CCDC9: variants seen among roughly 807,000 people sequenced by gnomAD.
The protein encoded by CCDC9 is coiled-coil domain containing 9.
In CCDC9, 52 loss-of-function variants were observed where a neutral mutation model predicts 65.6. That is an observed-to-expected ratio of 0.79 (90% CI 0.63 to 1.00). The LOEUF (loss-of-function observed/expected upper bound fraction) is 1.00, where lower values mean the gene tolerates loss of function less well. Among genes scored for constraint, CCDC9 ranks in the 50% least tolerant of loss-of-function variants. The pLI is 0.00. For synonymous variants in CCDC9, 332 were observed against 280.3 expected, an observed-to-expected ratio of 1.18 and a Z score of -1.84; for missense variants, 834 against 757.2, an observed-to-expected ratio of 1.10 and a Z score of -1.19.
intron 1 of CCDC9, among the ~76,000 whole-genome samples, 164 bp downstream of exon 1, chr19:47,256,773 T>TTGGG (rs1438600303): frequency 1.5e-4 from 1 of 6,896 alleles, no homozygotes; most frequent in African/African-American, 6.7e-4. Context: ...GGGCGGGCCG[T>TTGGG]TGGGTGGGTG....
In CCDC9 at chr19:47,260,632, GC is replaced by G; in HGVS notation, c.260del (p.Pro87GlnfsTer81). 1 of 1,522,210 alleles carries G rather than the reference GC, an allele frequency of 6.6e-7. No homozygotes were observed. Among genetic ancestry groups the G allele is most frequent in the Non-Finnish European group, 8.7e-7 (1 of 1,144,502 alleles). 94.3% of individuals were successfully genotyped at this position (1,522,210 alleles called of 1,614,324 possible). A position where few individuals can be genotyped will look rare whatever the true frequency, so the allele number is the denominator to read the frequency against. ...CCCGGAGGTCTCCTGGGACCCCTCGGCCCCCAGGGGCCAGCAAGGGGGGCCG... is the reference window on the plus strand; with the variant it reads ...CCCGGAGGTCTCCTGGGACCCCTCGGCCCCAGGGGCCAGCAAGGGGGGCCG... Reference protein sequence around the residue: ...PSRRSPGTPRPPGASKGGRTP... With the variant: ...PSRRSPGTPRXPGASKGGRTP... On this transcript the variant is annotated frameshift_variant, in exon 5 of 12. Transcript: ENST00000221922. LOFTEE classifies it high-confidence loss of function.
intron 8 of CCDC9, among the ~76,000 whole-genome samples, chr19:47,268,292 C>T (rs190636141): frequency 2.7e-3 from 412 of 152,230 alleles, no homozygotes; most frequent in Non-Finnish European, 5.2e-3. Context: ...CTGGAAGAGC[C>T]GATAAATAGC....
downstream of CCDC9, chr19:47,273,988 G>A (rs867481958): frequency 3.0e-6 from 3 of 984,704 alleles, no homozygotes; most frequent in Non-Finnish European, 3.6e-6. Context: ...TCCTGAAGAC[G>A]CTGCTGGGAG....
At chr19:47,267,692 T>C (rs2059091427) in intron 8 of CCDC9, among the ~76,000 whole-genome samples, 1 of 152,122 alleles carries the variant, frequency 6.6e-6, no homozygotes, top group South Asian at 2.1e-4. Flanking sequence ...CTCCAGTGGA[T>C]AGGAACACCG....
chr19:47,274,226 G>A (rs1243576936), downstream of CCDC9, among the ~76,000 whole-genome samples: 1 of 152,140 alleles, frequency 6.6e-6, no homozygotes, highest in East Asian at 1.9e-4. Flanking sequence ...AGCGGGCTGA[G>A]AGTGTGCTGG....
Position 47,271,833 on chromosome 19 carries a change from C to T in CCDC9, c.*155C>T. Reference sequence around the variant, plus strand: ...CCAGTGTGCCCCACAGCCCTGTCAGCTGAGGGGGTAGCGCAGCCCATGCTC... The same window carrying T: ...CCAGTGTGCCCCACAGCCCTGTCAGTTGAGGGGGTAGCGCAGCCCATGCTC... On this transcript the variant is annotated 3_prime_UTR_variant, in exon 12 of 12. Transcript: ENST00000221922. 5 of 1,423,054 alleles carry T rather than the reference C, an allele frequency of 3.5e-6. No individual in the cohort carries two copies. In the South Asian group the frequency reaches 4.6e-5, roughly 13 times the overall value. The allele number at this position is 1,423,054 out of a possible 1,614,324, so 88.2% of individuals were successfully genotyped here. A position where few individuals can be genotyped will look rare whatever the true frequency, so the allele number is the denominator to read the frequency against.
rs1373981308 is a variant in CCDC9 at position 47,266,725 on chromosome 19, C to T, written c.835C>T (p.Leu279=). 1.9e-6 allele frequency: 3 copies of T among 1,612,114 alleles called. No homozygotes were observed. The Admixed American group carries it at 5.0e-5, about 27-fold the overall frequency. Residue 279 remains leucine (L), a synonymous_variant, in exon 8 of 12, where the codon CTG becomes TTG. Transcript: ENST00000221922. Reference sequence around the variant, plus strand: ...GAGGGAGAAGATCGACCAGGAGCGGCTGCAGAGGCACCGCAAGCCCACTGG... The same window carrying T: ...GAGGGAGAAGATCGACCAGGAGCGGTTGCAGAGGCACCGCAAGCCCACTGG... The part of the protein sequence containing the change: ...QEREKIDQER[L]QRHRKPTGQW...
intron 5 of CCDC9, among the ~76,000 whole-genome samples, chr19:47,262,567 TG>T (rs1430604660): frequency 9.2e-5 from 14 of 152,044 alleles, no homozygotes; most frequent in Admixed American, 7.9e-4. Context: ...TCATTGTCTG[TG>T]GTAACAGCTG....
At position 47,270,416 on chromosome 19, in the gene CCDC9, T is replaced by C; in HGVS notation, c.912T>C (p.Asp304=). The change falls in exon 9 of 12, where the codon GAT becomes GAC. Residue 304 remains aspartate (D), a synonymous_variant. Transcript: ENST00000221922. ...GTTATCTTTCCCCCAGGTTCAAGGA[T>C]GGCCCAGTCCCTGCCCATGAACCAT... ...DAEKTDGMFK[D]GPVPAHEPSH... 6.2e-7 allele frequency: 1 copy of C among 1,614,174 alleles called. No homozygotes were observed. The highest frequency in any genetic ancestry group is 8.5e-7 in the Non-Finnish European group (1 of 1,180,010).
At position 47,271,183 on chromosome 19, in the gene CCDC9, T is replaced by C. The variant is rs1464843827; in HGVS notation, c.1187T>C (p.Met396Thr). The change falls in exon 11 of 12, where the codon ATG (methionine) becomes ACG (threonine). Residue 396 changes from methionine (M) to threonine (T), a missense_variant. By Grantham distance (81) the Met-to-Thr change is moderately conservative. Transcript: ENST00000221922. Reference protein sequence around the residue: ...SPETSPKETPMQPPEIPAPAH... With the variant: ...SPETSPKETPTQPPEIPAPAH... Reference sequence around the variant, plus strand: ...GAGACTTCCCCCAAGGAGACACCCATGCAGGTGAGGCTGGGCTGTGGTTCA... The same window carrying C: ...GAGACTTCCCCCAAGGAGACACCCACGCAGGTGAGGCTGGGCTGTGGTTCA... The C allele has an allele frequency of 6.2e-7, 1 of 1,602,190 alleles. No individual in the cohort carries two copies. Among genetic ancestry groups the C allele is most frequent in the Middle Eastern group, 1.7e-4 (1 of 5,980 alleles).
chr19:47,275,599 C>T (rs1297780882), downstream of CCDC9: 1 of 543,392 alleles, frequency 1.8e-6, no homozygotes, highest in East Asian at 3.5e-5. Flanking sequence ...TCCTGCCCCT[C>T]CTGCTGTGGG....
chr19:47,261,282 A>G (rs79169060), intron 5 of CCDC9, among the ~76,000 whole-genome samples: 6,020 of 151,018 alleles, frequency 0.04, 617 homozygotes, highest in East Asian at 0.37. Flanking sequence ...GGCTCTCTCT[A>G]TCTGGTGTGC....
downstream of CCDC9, chr19:47,272,142 A>G (rs1389273122): frequency 2.4e-6 from 3 of 1,235,988 alleles, no homozygotes; most frequent in Non-Finnish European, 3.0e-6. Flanking sequence ...CTGAAGAGGA[A>G]GGGTCTGAGG....
In CCDC9 at chr19:47,271,290, C is replaced by T; in HGVS notation, c.1208C>T (p.Ala403Val). The T allele has an allele frequency of 6.2e-7, 1 of 1,612,630 alleles. No homozygotes were observed. Among genetic ancestry groups the T allele is most frequent in the South Asian group, 1.1e-5 (1 of 90,810 alleles). The part of the protein sequence containing the change: ...ETPMQPPEIP[A>V]PAHRPPEDEG... ...TCCCCAAAGCCACCCGAGATCCCAGCTCCTGCCCACCGGCCTCCTGAAGAC... is the reference window on the plus strand; with the variant it reads ...TCCCCAAAGCCACCCGAGATCCCAGTTCCTGCCCACCGGCCTCCTGAAGAC... The change falls in exon 12 of 12, where the codon GCT becomes GTT. Residue 403 changes from alanine (A) to valine (V), a missense_variant. Ala to Val is a moderately conservative substitution (Grantham distance 64). Transcript: ENST00000221922.
Position 47,260,587 on chromosome 19 carries a change from G to C in CCDC9, c.211-1G>C. On this transcript the variant is annotated splice_acceptor_variant, in intron 4 of 11. Transcript: ENST00000221922. LOFTEE classifies it high-confidence loss of function. Reference sequence around the variant, plus strand: ...TATTTTCCCCATCTCCCCTCTTCCAGGAGAAGAACCTGGGTCCTTCCCGGA... The same window carrying C: ...TATTTTCCCCATCTCCCCTCTTCCACGAGAAGAACCTGGGTCCTTCCCGGA... 6.5e-7 allele frequency: 1 copy of C among 1,531,236 alleles called. No homozygotes were observed. Among genetic ancestry groups the C allele is most frequent in the Non-Finnish European group, 8.7e-7 (1 of 1,147,046 alleles). The allele number at this position is 1,531,236 out of a possible 1,614,324, so 94.9% of individuals were successfully genotyped here.
rs1380279151 is a variant in CCDC9, at chr19:47,271,337, G to A, written c.1255G>A (p.Glu419Lys). The change falls in exon 12 of 12, where the codon GAA becomes AAA. Residue 419 changes from glutamate to lysine, a missense_variant. Glu to Lys is a moderately conservative substitution (Grantham distance 56, BLOSUM62 1). Transcript: ENST00000221922. ...PEDEGEENEGEEDEEWEDISE... is the reference protein window; with the variant it reads ...PEDEGEENEGKEDEEWEDISE... ...AGACGAGGGGGAAGAGAATGAGGGG[G>A]AAGAGGATGAAGAATGGGAGGACAT... 2.5e-6 allele frequency: 4 copies of A among 1,612,928 alleles called. No individual in the cohort carries two copies. Among genetic ancestry groups the A allele is most frequent in the Admixed American group, 1.7e-5 (1 of 59,828 alleles).
chr19:47,262,142 G>T (rs1456440473), intron 5 of CCDC9, among the ~76,000 whole-genome samples: 1 of 151,626 alleles, frequency 6.6e-6, no homozygotes, highest in Admixed American at 6.6e-5. Context: ...GCTGAGCCCT[G>T]CAGGGAGGTG....
intron 3 of CCDC9, 39 bp from the exon 4 acceptor site, chr19:47,260,282 G>A (rs2059036255): frequency 1.4e-6 from 2 of 1,445,662 alleles, no homozygotes; most frequent in African/African-American, 1.4e-5. Context: ...TGGCAGACAG[G>A]GCACCTGATG....
At chr19:47,266,834 C>T (rs779137034) in intron 8 of CCDC9, 42 bp downstream of exon 8, 231 of 1,567,156 alleles carry the variant, frequency 1.5e-4, no homozygotes, top group Non-Finnish European at 1.9e-4. Flanking sequence ...GGCACGTTGA[C>T]CTTGGCCCTG....
Sources: gnomAD v4.1 joint callset for allele counts (sites outside exome capture counted in the v4.1 genomes callset) on GRCh38, gnomAD v4.1.1 for gene constraint, MANE v1.5 for transcripts, NCBI Gene and HGNC (gene_info 2026-07-23, HGNC 2026-07-21) for gene names.